COPG2: variants seen among roughly 807,000 people sequenced by gnomAD.
COPG2 encodes coat protein complex I subunit gamma 2, also known as coatomer subunit gamma-2.
In COPG2, 37 loss-of-function variants were observed where a neutral mutation model predicts 46.3. That is an observed-to-expected ratio of 0.80 (90% CI 0.61 to 1.05). COPG2 has a LOEUF of 1.05. Among genes scored for constraint, COPG2 ranks in the 50% least tolerant of loss-of-function variants. The pLI is 0.00. For synonymous variants in COPG2, 159 were observed against 129.7 expected (o/e 1.23, Z -1.53); for missense variants, 427 against 387.8 (o/e 1.10, Z -0.85).
chr7:130,626,283 A>C (rs940490405), intron 5 of COPG2, among the ~76,000 whole-genome samples: 1 of 152,112 alleles, frequency 6.6e-6, no homozygotes, highest in Non-Finnish European at 1.5e-5. Flanking sequence ...TCCAACCAGA[A>C]ACATTCCAAC....
In COPG2 at chr7:130,618,416, A is replaced by G. The variant is rs370790581; in HGVS notation, c.324-1351T>C. Among the ~76,000 whole-genome samples, 8 of 152,298 alleles carry G rather than the reference A, an allele frequency of 5.3e-5. No homozygotes were observed. The East Asian group carries it at 5.8e-4, about 11-fold the overall frequency. ...CAATTTTTACTTATATACTGTCCCA[A>G]AAGTTGAGGTTTTCTTTTTATTTTT... On this transcript the variant is annotated intron_variant, in intron 5 of 23. Coordinates refer to ENST00000425248, the MANE Select transcript of COPG2 (RefSeq NM_012133.6).
chr7:130,591,112 C>G (rs1554448766), intron 9 of COPG2, among the ~76,000 whole-genome samples: 1 of 128,800 alleles, frequency 7.8e-6, no homozygotes. Flanking sequence ...GCCCCCCGCC[C>G]GGCCAGCTGC....
intron 9 of COPG2, among the ~76,000 whole-genome samples, chr7:130,601,538 T>C (rs1338157559): frequency 3.9e-5 from 6 of 152,074 alleles, no homozygotes; most frequent in African/African-American, 1.4e-4. Flanking sequence ...CTGGAAACCA[T>C]CATTCTCAAC....
At chr7:130,575,043 A>C (rs1174020713) in intron 9 of COPG2, among the ~76,000 whole-genome samples, 1 of 152,178 alleles carries the variant, frequency 6.6e-6, no homozygotes, top group African/African-American at 2.4e-5. Flanking sequence ...GACTCCAAGA[A>C]GTCTGGGATT....
intron 12 of COPG2, among the ~76,000 whole-genome samples, chr7:130,560,781 CCAAA>C (rs1793706418): frequency 6.6e-6 from 1 of 152,154 alleles, no homozygotes; most frequent in East Asian, 1.9e-4. Context: ...ACTGAACTTA[CCAAA>C]CAAACAGTAA....
rs1197540092 is a variant in COPG2 at position 130,513,308 on chromosome 7, A to AATATAT, written c.2150-4655_2150-4650dup. Among the ~76,000 whole-genome samples, 112 of 55,624 alleles carry AATATAT rather than the reference A, an allele frequency of 2.0e-3. 1 individual carries two copies. The highest frequency in any genetic ancestry group is 3.7e-3 in the East Asian group (8 of 2,182). The allele number at this position is 55,624 out of a possible 152,430, so 36.5% of individuals were successfully genotyped here. A position where few individuals can be genotyped will look rare whatever the true frequency, so the allele number is the denominator to read the frequency against. The stretch of plus-strand genomic sequence containing the variant: ...TTCTGTCTAAAAAAAAAAAAAAAAA[A>AATATAT]ATATATATATATATATATATATATA... On this transcript the variant is annotated intron_variant, in intron 20 of 23. Coordinates refer to ENST00000425248, the MANE Select transcript of COPG2 (RefSeq NM_012133.6).
At chr7:130,613,158 T>G (rs1472222422) in intron 7 of COPG2, among the ~76,000 whole-genome samples, 1 of 152,186 alleles carries the variant, frequency 6.6e-6, no homozygotes, top group Non-Finnish European at 1.5e-5. Context: ...ATGAAACTGT[T>G]CCACCTCAGA....
intron 9 of COPG2, among the ~76,000 whole-genome samples, chr7:130,602,644 G>T (rs1554450526): frequency 1.3e-5 from 2 of 151,996 alleles, no homozygotes; most frequent in African/African-American, 4.8e-5. Context: ...GCTAATTTTT[G>T]TATTTTTAGT....
At chr7:130,590,066 T>C (rs1267542292) in intron 9 of COPG2, among the ~76,000 whole-genome samples, 2 of 152,226 alleles carry the variant, frequency 1.3e-5, no homozygotes, top group Non-Finnish European at 2.9e-5. Flanking sequence ...ATTTTTCTTA[T>C]GTTTAGTTTT....
At chr7:130,582,378 T>C (rs1291846282) in intron 9 of COPG2, among the ~76,000 whole-genome samples, 2 of 148,630 alleles carry the variant, frequency 1.3e-5, no homozygotes, top group Non-Finnish European at 3.0e-5. Context: ...ACGTTAGACC[T>C]AAAACCATAA....
rs528367748 is a variant in COPG2, at chr7:130,657,705, A to AT, written c.244-4758dup. Among the ~76,000 whole-genome samples, 280 of 152,306 alleles carry AT rather than the reference A, an allele frequency of 1.8e-3. 1 individual carries two copies. The highest frequency in any genetic ancestry group is 6.3e-3 in the African/African-American group (260 of 41,576). ...CAATAATAAGAAAATAAACAATCCA[A>AT]TTTTTTTAATGGGCAAAAGATATTA... On this transcript the variant is annotated intron_variant, in intron 4 of 23. Coordinates refer to ENST00000425248, the MANE Select transcript of COPG2 (RefSeq NM_012133.6).
chr7:130,651,731 T>C (rs1554459134), intron 5 of COPG2, among the ~76,000 whole-genome samples: 2 of 151,436 alleles, frequency 1.3e-5, no homozygotes. Context: ...TTAGCCAGGA[T>C]GGTCTCGATC....
Position 130,662,953 on chromosome 7 carries a change from T to G in COPG2, c.243+14A>C. The G allele has an allele frequency of 6.6e-7, 1 of 1,509,624 alleles. No individual in the cohort carries two copies. The highest frequency in any genetic ancestry group is 9.0e-7 in the Non-Finnish European group (1 of 1,114,790). 93.5% of individuals were successfully genotyped at this position (1,509,624 alleles called of 1,614,324 possible). On this transcript the variant is annotated intron_variant, in intron 4 of 23. Coordinates refer to ENST00000425248, the MANE Select transcript of COPG2 (RefSeq NM_012133.6). ...GGAGGTTTTTCATCGTAAAAAAAAT[T>G]TAAAAAGACTTACATCATTAGATTG...
intron 4 of COPG2, among the ~76,000 whole-genome samples, chr7:130,660,103 T>G: frequency 6.6e-6 from 1 of 152,198 alleles, no homozygotes; most frequent in East Asian, 1.9e-4. Flanking sequence ...CACGTATTTC[T>G]GGCAAAATCT....
At chr7:130,575,425 A>C (rs536790111) in intron 9 of COPG2, among the ~76,000 whole-genome samples, 22 of 152,308 alleles carry the variant, frequency 1.4e-4, no homozygotes, top group African/African-American at 5.1e-4. Flanking sequence ...GACAATTACC[A>C]GCCAAGAACT....
At chr7:130,573,208 C>A (rs1554445750) in intron 9 of COPG2, among the ~76,000 whole-genome samples, 2 of 82,174 alleles carry the variant, frequency 2.4e-5, no homozygotes, top group Non-Finnish European at 3.5e-5. Flanking sequence ...TTAAAAATCA[C>A]ACCTCAAAAA....
intron 5 of COPG2, among the ~76,000 whole-genome samples, chr7:130,641,200 A>C (rs1047356925): frequency 2.0e-5 from 3 of 151,190 alleles, no homozygotes; most frequent in Non-Finnish European, 4.4e-5. Flanking sequence ...AAAAAAGAGA[A>C]CAACAGAGAA....
At chr7:130,589,825 T>G (rs1038320956) in intron 9 of COPG2, among the ~76,000 whole-genome samples, 2 of 152,228 alleles carry the variant, frequency 1.3e-5, no homozygotes, top group South Asian at 2.1e-4. Context: ...TTTCCTCATC[T>G]GGAGCTGCGC....
At chr7:130,561,274 G>A in intron 11 of COPG2, 53 bp from the exon 12 acceptor site, 3 of 398,244 alleles carry the variant, frequency 7.5e-6, no homozygotes, top group East Asian at 7.1e-5. Context: ...ATAAAGGCCA[G>A]AACTTAAATT....
Sources: allele counts gnomAD v4.1 joint callset (sites outside exome capture counted in the v4.1 genomes callset), GRCh38; gene constraint gnomAD v4.1.1; transcripts MANE v1.5; gene names NCBI Gene and HGNC (gene_info 2026-07-23, HGNC 2026-07-21).